The following SHLD2 variants were observed in gnomAD, a reference collection of about 807,000 sequenced individuals.
The protein encoded by SHLD2 is RINN1-REV7-interacting novel NHEJ regulator 2.
Under a neutral mutation model 73.2 loss-of-function variants are expected in SHLD2, and 30 were observed. The ratio of observed to expected loss-of-function variants is 0.41; its 90% CI spans 0.31 to 0.56. The LOEUF (loss-of-function observed/expected upper bound fraction) is 0.56. Among genes scored for constraint, SHLD2 ranks in the 20% least tolerant of loss-of-function variants. The pLI, the probability that SHLD2 is intolerant of heterozygous loss-of-function variation, is 0.28. For synonymous variants in SHLD2, 285 were observed against 370.1 expected, an observed-to-expected ratio of 0.77 and a Z score of 2.64; for missense variants, 745 against 1,055.9, an observed-to-expected ratio of 0.71 and a Z score of 4.08.
intron 2 of SHLD2, among the ~76,000 whole-genome samples, chr10:87,127,233 C>T (rs995342296): frequency 1.3e-5 from 2 of 152,160 alleles, no homozygotes; most frequent in Admixed American, 1.3e-4. Context: ...AGAGCACAAT[C>T]TGTGCATAAG....
chr10:87,149,058 T>C (rs1436947031), intron 2 of SHLD2, among the ~76,000 whole-genome samples: 4 of 151,418 alleles, frequency 2.6e-5, no homozygotes, highest in Non-Finnish European at 5.9e-5. Context: ...CTGGTAATTT[T>C]TGTGTTTTTA....
chr10:87,171,583 G>T (rs1416656637), intron 6 of SHLD2, among the ~76,000 whole-genome samples: 2 of 152,206 alleles, frequency 1.3e-5, no homozygotes, highest in East Asian at 3.9e-4. Flanking sequence ...CTTTGCTATT[G>T]TGAGATCCTT....
intron 9 of SHLD2, among the ~76,000 whole-genome samples, chr10:87,188,288 G>C (rs4934312): frequency 0.56 from 85,392 of 151,840 alleles, 24,735 homozygotes; most frequent in Middle Eastern, 0.67. Context: ...CCAGCAGTAG[G>C]GGACCACTAA....
At chr10:87,164,916 G>A (rs1273146819) in intron 4 of SHLD2, among the ~76,000 whole-genome samples, 1 of 152,036 alleles carries the variant, frequency 6.6e-6, no homozygotes, top group East Asian at 1.9e-4. Context: ...GCCATGCTCA[G>A]TGGTTCATGC....
At chr10:87,120,586 C>T (rs1425324352) in intron 2 of SHLD2, among the ~76,000 whole-genome samples, 1 of 152,094 alleles carries the variant, frequency 6.6e-6, no homozygotes, top group African/African-American at 2.4e-5. Context: ...GCATGTGGCA[C>T]ATAGTAGGCA....
intron 8 of SHLD2, among the ~76,000 whole-genome samples, chr10:87,184,693 G>A (rs1246718943): frequency 5.9e-5 from 9 of 152,008 alleles, no homozygotes; most frequent in African/African-American, 2.2e-4. Flanking sequence ...CTCTAGCCAC[G>A]TGGCCTTCTT....
Position 87,114,447 on chromosome 10 carries a change from G to A in SHLD2, c.-6+17458G>A, listed in dbSNP as rs2261990. The A allele has an allele frequency of 7.2e-5, 11 of 152,284 alleles. No individual in the cohort carries two copies. In the East Asian group the frequency reaches 1.3e-3, roughly 19 times the overall value. 9.4% of individuals were successfully genotyped at this position (152,284 alleles called of 1,614,324 possible). A position where few individuals can be genotyped will look rare whatever the true frequency, so the allele number is the denominator to read the frequency against. ...CTTGGTTAGAAAGTCAGTCAAGCCC[G>A]TGTGCAGTGGCTCACGCCTATAATC... On this transcript the variant is annotated intron_variant, in intron 2 of 9. Transcript: ENST00000298786.
intron 2 of SHLD2, among the ~76,000 whole-genome samples, chr10:87,130,224 T>G (rs959047793): frequency 7.9e-5 from 12 of 151,918 alleles, no homozygotes; most frequent in African/African-American, 2.9e-4. Context: ...GTGATCTATC[T>G]GTGTCATTTG....
intron 2 of SHLD2, among the ~76,000 whole-genome samples, chr10:87,110,724 C>T (rs978092927): frequency 3.3e-5 from 5 of 151,570 alleles, no homozygotes; most frequent in African/African-American, 1.2e-4. Context: ...AGAACTGAAA[C>T]TATAAAACGC....
intron 4 of SHLD2, 147 bp from the exon 5 acceptor site, chr10:87,170,331 C>T: frequency 1.8e-6 from 1 of 541,336 alleles, no homozygotes; most frequent in East Asian, 3.0e-5. Context: ...CAAGACTTAG[C>T]TATTGTACAT....
intron 3 of SHLD2, among the ~76,000 whole-genome samples, chr10:87,155,340 A>G (rs573022080): frequency 6.6e-6 from 1 of 151,256 alleles, no homozygotes; most frequent in Non-Finnish European, 1.5e-5. Context: ...ATGTGATTAT[A>G]TTATTGGAGA....
At chr10:87,156,181 C>T (rs1016200440) in intron 3 of SHLD2, among the ~76,000 whole-genome samples, 1 of 151,696 alleles carries the variant, frequency 6.6e-6, no homozygotes, top group African/African-American at 2.4e-5. Context: ...ATTCTCCTGC[C>T]TCAGCCTCCC....
chr10:87,096,051 A>C (rs73337700), intron 1 of SHLD2, among the ~76,000 whole-genome samples: 330 of 152,260 alleles, frequency 2.2e-3, no homozygotes, highest in African/African-American at 7.5e-3. Flanking sequence ...TATTTTATTT[A>C]TTTATTTGAG....
chr10:87,123,101 C>T (rs540049789), intron 2 of SHLD2, among the ~76,000 whole-genome samples: 1 of 152,038 alleles, frequency 6.6e-6, no homozygotes, highest in East Asian at 1.9e-4. Flanking sequence ...TTAGTAGAGA[C>T]GGAGTTTCAC....
intron 2 of SHLD2, among the ~76,000 whole-genome samples, chr10:87,102,094 A>G (rs1360673542): frequency 1.3e-5 from 2 of 152,060 alleles, no homozygotes; most frequent in Non-Finnish European, 2.9e-5. Context: ...TCAATGTTGC[A>G]TAGTATTTTA....
Position 87,152,738 on chromosome 10 carries a change from G to C in SHLD2, c.1384G>C (p.Gly462Arg), listed in dbSNP as rs765598018. The change falls in exon 3 of 10, where the codon GGA (glycine) becomes CGA (arginine). Residue 462 changes from glycine (G) to arginine (R), a missense_variant. Transcript: ENST00000298786. ...CHVKEINIKF[G>R]PNSGSKVPLA... Reference sequence around the variant, plus strand: ...TGTGAAGGAAATAAACATAAAATTCGGACCAAATTCTGGCTCTAAAGTGCC... The same window carrying C: ...TGTGAAGGAAATAAACATAAAATTCCGACCAAATTCTGGCTCTAAAGTGCC... 6.2e-7 allele frequency: 1 copy of C among 1,611,798 alleles called. No individual in the cohort carries two copies. The highest frequency in any genetic ancestry group is 2.2e-5 in the East Asian group (1 of 44,838).
chr10:87,120,362 C>T (rs1213252719), intron 2 of SHLD2, among the ~76,000 whole-genome samples: 4 of 151,968 alleles, frequency 2.6e-5, no homozygotes, highest in African/African-American at 4.8e-5. Flanking sequence ...ATTCTCCTGC[C>T]TCAGCCTCCC....
intron 3 of SHLD2, chr10:87,154,294 CCT>C (rs1254345663): frequency 6.6e-6 from 1 of 152,198 alleles, no homozygotes; most frequent in African/African-American, 2.4e-5. Context: ...ACTCTGAACT[CCT>C]GGGCTCAAGT....
rs35259056 is a variant in SHLD2 at position 87,119,777 on chromosome 10, C to CAA, written c.-6+22804_-6+22805dup. 3.1e-3 allele frequency among the ~76,000 whole-genome samples: 399 copies of CAA among 128,742 alleles called. 5 individuals are homozygous for CAA. Among genetic ancestry groups the CAA allele is most frequent in the African/African-American group, 9.3e-3 (337 of 36,418 alleles). The allele number at this position is 128,742 out of a possible 152,430, so 84.5% of individuals were successfully genotyped here. A position where few individuals can be genotyped will look rare whatever the true frequency, so the allele number is the denominator to read the frequency against. ...TGGGCAACAGTGCAAGACTCTGTCT[C>CAA]AAAAAAAAAAAAAAAAATCATGTAT... is the stretch of plus-strand genomic sequence containing the variant. On this transcript the variant is annotated intron_variant, in intron 2 of 9. Transcript: ENST00000298786.
Sources: allele counts gnomAD v4.1 joint callset (sites outside exome capture counted in the v4.1 genomes callset), GRCh38; gene constraint gnomAD v4.1.1; transcripts MANE v1.5; gene names NCBI Gene and HGNC (gene_info 2026-07-23, HGNC 2026-07-21).